Variants in JAKMIP2 observed in about 807,000 individuals in gnomAD.
JAKMIP2 encodes janus kinase and microtubule interacting protein 2.
Under a neutral mutation model 115.0 loss-of-function variants are expected in JAKMIP2, and 25 were observed. That is an observed-to-expected ratio of 0.22 (90% CI 0.16 to 0.30). The LOEUF (loss-of-function observed/expected upper bound fraction) is 0.30, where lower values mean the gene tolerates loss of function less well. JAKMIP2 is among the 10% of genes least tolerant of loss of function. The pLI is 1.00. For missense variants in JAKMIP2, 642 were observed against 957.6 expected, an observed-to-expected ratio of 0.67 and a Z score of 4.35; for synonymous variants, 334 against 343.6, an observed-to-expected ratio of 0.97 and a Z score of 0.31.
intron 1 of JAKMIP2, among the ~76,000 whole-genome samples, chr5:147,779,361 A>C (rs1755676040): frequency 6.6e-6 from 1 of 152,088 alleles, no homozygotes; most frequent in Non-Finnish European, 1.5e-5. Context: ...GTGGAAGATT[A>C]GTTTGTTAAA....
At chr5:147,674,294 C>A (rs1036129442) in intron 1 of JAKMIP2, among the ~76,000 whole-genome samples, 2 of 152,082 alleles carry the variant, frequency 1.3e-5, no homozygotes, top group Non-Finnish European at 2.9e-5. Flanking sequence ...AAATCTGATC[C>A]GCTTTGGCCA....
intron 2 of JAKMIP2, among the ~76,000 whole-genome samples, chr5:147,664,719 ACCT>A (rs1759208172): frequency 6.6e-6 from 1 of 151,184 alleles, no homozygotes; most frequent in South Asian, 2.1e-4. Context: ...TGTCCTCATC[ACCT>A]CCTCTTCTAC....
At chr5:147,707,150 G>C (rs760802836) in intron 1 of JAKMIP2, among the ~76,000 whole-genome samples, 57 of 152,108 alleles carry the variant, frequency 3.7e-4, no homozygotes, top group Non-Finnish European at 5.1e-4. Flanking sequence ...AGTCCCAGAA[G>C]GGACAGAAAT....
chr5:147,616,876 T>C (rs1756610241), intron 19 of JAKMIP2, among the ~76,000 whole-genome samples: 1 of 152,204 alleles, frequency 6.6e-6, no homozygotes, highest in Non-Finnish European at 1.5e-5. Flanking sequence ...CTAAGTGTCA[T>C]GTCCCCCATG....
At chr5:147,714,905 C>T (rs967734692) in intron 1 of JAKMIP2, among the ~76,000 whole-genome samples, 1 of 151,736 alleles carries the variant, frequency 6.6e-6, no homozygotes, top group Non-Finnish European at 1.5e-5. Flanking sequence ...GTTACTTATA[C>T]AAAAGGGAAA....
intron 21 of JAKMIP2, among the ~76,000 whole-genome samples, chr5:147,593,013 C>T (rs1205291895): frequency 6.6e-6 from 1 of 152,102 alleles, no homozygotes; most frequent in Non-Finnish European, 1.5e-5. Flanking sequence ...GGAGGAGGTA[C>T]GAAGAGGCGT....
intron 1 of JAKMIP2, among the ~76,000 whole-genome samples, chr5:147,684,211 T>C (rs1204057630): frequency 6.6e-6 from 1 of 150,734 alleles, no homozygotes; most frequent in African/African-American, 2.5e-5. Flanking sequence ...TTTTAGACCA[T>C]AATTATGTGC....
Position 147,721,734 on chromosome 5 carries a change from C to T in JAKMIP2, c.-148-49780G>A, listed in dbSNP as rs1370549511. The stretch of plus-strand genomic sequence containing the variant: ...CGCGCACGGTGCGCGCACCCACTGA[C>T]CTGCGCCTGCTGTCTGGCACTCCCT... On this transcript the variant is annotated intron_variant, in intron 1 of 21. Transcript: ENST00000616793. 3.9e-5 allele frequency among the ~76,000 whole-genome samples: 6 copies of T among 152,220 alleles called. No homozygotes were observed. The East Asian group carries it at 9.7e-4, about 25-fold the overall frequency.
At chr5:147,608,927 A>G (rs983704883) in intron 20 of JAKMIP2, among the ~76,000 whole-genome samples, 3 of 151,658 alleles carry the variant, frequency 2.0e-5, no homozygotes, top group Non-Finnish European at 4.4e-5. Flanking sequence ...ACCATTATGT[A>G]ATGCCCTGCT....
intron 21 of JAKMIP2, 71 bp from the exon 22 acceptor site, chr5:147,591,757 TAA>T (rs1351417437): frequency 1.0e-6 from 1 of 973,686 alleles, no homozygotes; most frequent in East Asian, 2.5e-5. Flanking sequence ...AAACAAACTT[TAA>T]AAAAAGACAC....
intron 21 of JAKMIP2, among the ~76,000 whole-genome samples, chr5:147,599,458 C>T (rs898030422): frequency 5.3e-5 from 8 of 152,136 alleles, no homozygotes; most frequent in African/African-American, 1.9e-4. Flanking sequence ...ATTTATTGCC[C>T]AGATTCACTG....
chr5:147,670,125 A>G (rs1215264600), intron 2 of JAKMIP2, among the ~76,000 whole-genome samples: 1 of 152,248 alleles, frequency 6.6e-6, no homozygotes, highest in Non-Finnish European at 1.5e-5. Context: ...AGGAAACTAA[A>G]AAATTTTCTT....
Position 147,644,037 on chromosome 5 carries a change from T to C in JAKMIP2, c.1224+21A>G, listed in dbSNP as rs377083416. 1.0e-5 allele frequency: 16 copies of C among 1,525,208 alleles called. No homozygotes were observed. The African/African-American group carries it at 2.1e-4, about 20-fold the overall frequency. 94.5% of individuals were successfully genotyped at this position (1,525,208 alleles called of 1,614,324 possible). A position where few individuals can be genotyped will look rare whatever the true frequency, so the allele number is the denominator to read the frequency against. The stretch of plus-strand genomic sequence containing the variant: ...TTGTCCTTGGGAACAACTTAGGGTT[T>C]ACAGATTGATTGACACGTACCCTTG... On this transcript the variant is annotated intron_variant, in intron 7 of 21. Transcript: ENST00000616793.
intron 1 of JAKMIP2, among the ~76,000 whole-genome samples, chr5:147,729,321 T>C (rs1753635229): frequency 6.6e-6 from 1 of 152,172 alleles, no homozygotes. Context: ...AATCAGAGGA[T>C]GCTCGAGACA....
intron 1 of JAKMIP2, among the ~76,000 whole-genome samples, chr5:147,691,445 G>A (rs556797872): frequency 1.3e-5 from 2 of 152,148 alleles, no homozygotes; most frequent in South Asian, 2.1e-4. Flanking sequence ...CCTATTCCAA[G>A]TAGCATTCTT....
At chr5:147,646,817 C>A (rs569661068) in intron 5 of JAKMIP2, among the ~76,000 whole-genome samples, 3 of 150,558 alleles carry the variant, frequency 2.0e-5, no homozygotes, top group African/African-American at 7.3e-5. Flanking sequence ...TCAATACACA[C>A]AAAAAATATA....
At chr5:147,730,927 A>G (rs1197218069) in intron 1 of JAKMIP2, among the ~76,000 whole-genome samples, 1 of 151,996 alleles carries the variant, frequency 6.6e-6, no homozygotes, top group Non-Finnish European at 1.5e-5. Flanking sequence ...TCTCTCCCCC[A>G]CTGCAAGACT....
intron 3 of JAKMIP2, among the ~76,000 whole-genome samples, chr5:147,659,285 G>C (rs1758838542): frequency 6.6e-6 from 1 of 152,164 alleles, no homozygotes. Flanking sequence ...GCTGGAGGAA[G>C]GAGGTCACCT....
intron 5 of JAKMIP2, among the ~76,000 whole-genome samples, chr5:147,646,748 C>A (rs553109715): frequency 6.6e-6 from 1 of 150,664 alleles, no homozygotes; most frequent in Non-Finnish European, 1.5e-5. Flanking sequence ...CAACTAATAA[C>A]AACGACTTTA....
Sources: allele counts gnomAD v4.1 joint callset (sites outside exome capture counted in the v4.1 genomes callset), GRCh38; gene constraint gnomAD v4.1.1; transcripts MANE v1.5; gene names NCBI Gene and HGNC (gene_info 2026-07-23, HGNC 2026-07-21).